Variants in WDR72 observed in about 807,000 individuals in gnomAD.
WDR72 encodes the protein WD repeat-containing protein 72.
WDR72 carries 120 observed loss-of-function variants against 124.2 expected under a neutral mutation model. The ratio of observed to expected loss-of-function variants is 0.97; its 90% CI spans 0.83 to 1.12. WDR72 has a LOEUF of 1.12. Among genes scored for constraint, WDR72 ranks in the 50% most tolerant of loss-of-function variants. The pLI is 0.00. For missense variants in WDR72, 1,387 were observed against 1,278.8 expected, an observed-to-expected ratio of 1.08 and a Z score of -1.29; for synonymous variants, 452 against 441.7, an observed-to-expected ratio of 1.02 and a Z score of -0.29.
At position 53,702,261 on chromosome 15, in the gene WDR72, C is replaced by A. The variant is rs774567575; in HGVS notation, c.1442G>T (p.Trp481Leu). 14 of 1,613,980 alleles carry A rather than the reference C, an allele frequency of 8.7e-6. No homozygotes were observed. Among genetic ancestry groups the A allele is most frequent in the Non-Finnish European group, 1.2e-5 (14 of 1,180,006 alleles). Reference protein sequence around the residue: ...HGLSSKLDQSWMLSGDLDSCV... With the variant: ...HGLSSKLDQSLMLSGDLDSCV... ...TGAGTCCAGGTCCCCAGACAACATC[C>A]AACTTTGGTCTAATTTCGAAGAGAG... The change falls in exon 12 of 20, where the codon TGG becomes TTG. Residue 481 changes from tryptophan (W) to leucine (L), a missense_variant. Coordinates refer to ENST00000360509, the MANE Select transcript of WDR72 (RefSeq NM_182758.4).
In WDR72 at chr15:53,702,132, A is replaced by T. The variant is rs777219434; in HGVS notation, c.1569+2T>A. The T allele has an allele frequency of 6.2e-7, 1 of 1,609,838 alleles. No homozygotes were observed. Reference sequence around the variant, plus strand: ...GATGTTATATTTTACTCTTCGTCTTACTTTAAACTTCTCTGGTGACATCAA... The same window carrying T: ...GATGTTATATTTTACTCTTCGTCTTTCTTTAAACTTCTCTGGTGACATCAA... On this transcript the variant is annotated splice_donor_variant, in intron 12 of 19. Coordinates refer to ENST00000360509, the MANE Select transcript of WDR72 (RefSeq NM_182758.4). LOFTEE classifies it high-confidence loss of function.
At chr15:53,731,484 A>G (rs1277397778) in intron 2 of WDR72, among the ~76,000 whole-genome samples, 7 of 151,856 alleles carry the variant, frequency 4.6e-5, no homozygotes, top group Admixed American at 3.3e-4. Flanking sequence ...CCTTTGTAGT[A>G]TCTCTGGCTC....
intron 17 of WDR72, among the ~76,000 whole-genome samples, chr15:53,598,616 A>G (rs7171820): frequency 0.14 from 20,915 of 152,122 alleles, 2,222 homozygotes; most frequent in African/African-American, 0.3. Context: ...ACTTTTAAAT[A>G]TAGGAAGCTT....
At chr15:53,659,113 T>G (rs2015523566) in intron 14 of WDR72, among the ~76,000 whole-genome samples, 1 of 152,198 alleles carries the variant, frequency 6.6e-6, no homozygotes, top group East Asian at 1.9e-4. Flanking sequence ...ATAACCTATG[T>G]CAATGACTAA....
intron 18 of WDR72, among the ~76,000 whole-genome samples, chr15:53,587,585 T>C (rs1378146398): frequency 6.6e-6 from 1 of 152,054 alleles, no homozygotes; most frequent in East Asian, 1.9e-4. Flanking sequence ...ATAATGCTTA[T>C]GAATTTCATT....
In WDR72 at chr15:53,513,931, T is replaced by G. The variant is rs1891306816; in HGVS notation, c.*3768A>C. The G allele has an allele frequency of 6.6e-6, 1 of 152,030 alleles. No homozygotes were observed. The highest frequency in any genetic ancestry group is 2.4e-5 in the African/African-American group (1 of 41,366). The allele number at this position is 152,030 out of a possible 1,614,324, so 9.4% of individuals were successfully genotyped here. On this transcript the variant is annotated 3_prime_UTR_variant, in exon 20 of 20. Transcript: ENST00000360509. ...TTCCAGGGGTCCCAAATTGGATGGGTGTTTCCAGTGGCATGCTCTTACAGA... is the reference window on the plus strand; with the variant it reads ...TTCCAGGGGTCCCAAATTGGATGGGGGTTTCCAGTGGCATGCTCTTACAGA...
intron 1 of WDR72, among the ~76,000 whole-genome samples, chr15:53,739,245 C>T (rs1403814364): frequency 1.3e-5 from 2 of 151,946 alleles, no homozygotes; most frequent in Admixed American, 1.3e-4. Flanking sequence ...AAAAGTGAAT[C>T]GGCAAAGAGA....
At chr15:53,607,447 G>T (rs1235187894) in intron 17 of WDR72, among the ~76,000 whole-genome samples, 1 of 152,118 alleles carries the variant, frequency 6.6e-6, no homozygotes, top group Non-Finnish European at 1.5e-5. Context: ...TTCAATAAAT[G>T]GTGCTGGGAA....
intron 18 of WDR72, among the ~76,000 whole-genome samples, chr15:53,578,211 C>T (rs952368951): frequency 3.9e-5 from 6 of 152,124 alleles, no homozygotes; most frequent in Non-Finnish European, 8.8e-5. Context: ...CCTTCAGGAG[C>T]TCACAGTCTC....
In WDR72 at chr15:53,733,579, A is replaced by C. The variant is rs568164873; in HGVS notation, c.-12-418T>G. On this transcript the variant is annotated intron_variant, in intron 1 of 19. Transcript: ENST00000360509. ...GAAATGTTACCTCATCTAGGTAATA[A>C]ATACCTGAAATTGGTGAATTTGCTA... Among the ~76,000 whole-genome samples, 1,145 of 152,286 alleles carry C rather than the reference A, an allele frequency of 7.5e-3. 22 individuals carry two copies. Among genetic ancestry groups the C allele is most frequent in the African/African-American group, 0.027 (1,105 of 41,544 alleles).
intron 1 of WDR72, among the ~76,000 whole-genome samples, chr15:53,748,605 T>C (rs1261319907): frequency 1.3e-5 from 2 of 152,094 alleles, no homozygotes; most frequent in African/African-American, 4.8e-5. Flanking sequence ...ACTGAGGTAG[T>C]TCCTCATATC....
intron 1 of WDR72, among the ~76,000 whole-genome samples, chr15:53,741,589 A>T (rs951116479): frequency 6.6e-6 from 1 of 152,186 alleles, no homozygotes; most frequent in Non-Finnish European, 1.5e-5. Context: ...TATGGGCAAA[A>T]ATATACATAT....
chr15:53,570,155 A>G (rs1434657341), intron 18 of WDR72, among the ~76,000 whole-genome samples: 1 of 152,084 alleles, frequency 6.6e-6, no homozygotes, highest in Non-Finnish European at 1.5e-5. Context: ...TTAAGTGACA[A>G]ATAAAAATTC....
chr15:53,675,802 T>C (rs961008792), intron 13 of WDR72, among the ~76,000 whole-genome samples: 12 of 152,130 alleles, frequency 7.9e-5, no homozygotes, highest in African/African-American at 2.7e-4. Flanking sequence ...TGGGAAAGGA[T>C]AAATTGGGGT....
intron 18 of WDR72, among the ~76,000 whole-genome samples, chr15:53,537,337 G>T (rs570267656): frequency 2.0e-4 from 31 of 152,048 alleles, no homozygotes; most frequent in African/African-American, 7.5e-4. Context: ...TTAATTGGCT[G>T]GTTTCTTATA....
chr15:53,739,953 G>A lies in WDR72; in HGVS notation c.-12-6792C>T, dbSNP rs140091702. Among the ~76,000 whole-genome samples, 290 of 152,272 alleles carry A rather than the reference G, an allele frequency of 1.9e-3. 2 individuals are homozygous for A. The highest frequency in any genetic ancestry group is 6.7e-3 in the African/African-American group (279 of 41,536). The stretch of plus-strand genomic sequence containing the variant: ...CAAAGAAATTCACCCACCCTGCTGA[G>A]TAGAACAGTAGGAGAAGGAAATTCC... On this transcript the variant is annotated intron_variant, in intron 1 of 19. Transcript: ENST00000360509.
chr15:53,673,687 C>A (rs2016069692), intron 13 of WDR72, among the ~76,000 whole-genome samples: 1 of 152,062 alleles, frequency 6.6e-6, no homozygotes, highest in Admixed American at 6.6e-5. Context: ...ATATATATTT[C>A]ATTGTGAAAA....
chr15:53,621,867 C>T (rs2140378007), intron 14 of WDR72, among the ~76,000 whole-genome samples: 1 of 152,146 alleles, frequency 6.6e-6, no homozygotes, highest in African/African-American at 2.4e-5. Context: ...TTTTTGCAAT[C>T]TATGCATCTG....
At chr15:53,732,829 C>T (rs1446054177) in intron 2 of WDR72, among the ~76,000 whole-genome samples, 168 bp downstream of exon 2, 1 of 152,146 alleles carries the variant, frequency 6.6e-6, no homozygotes, top group Non-Finnish European at 1.5e-5. Flanking sequence ...CTTGATCAAT[C>T]ATATAATACT....
Sources: allele counts gnomAD v4.1 joint callset (sites outside exome capture counted in the v4.1 genomes callset), GRCh38; gene constraint gnomAD v4.1.1; transcripts MANE v1.5; gene names NCBI Gene and HGNC (gene_info 2026-07-23, HGNC 2026-07-21).